The following PNPLA6 variants were observed in gnomAD, a reference collection of about 807,000 sequenced individuals.
PNPLA6 encodes the protein patatin-like phospholipase domain-containing protein 6.
PNPLA6 carries 105 observed loss-of-function variants against 153.7 expected under a neutral mutation model. The observed-to-expected ratio is 0.68, with a 90% CI of 0.58 to 0.80. PNPLA6 has a LOEUF of 0.80. PNPLA6 is among the 30% of genes least tolerant of loss of function. The pLI, the probability that PNPLA6 is intolerant of heterozygous loss-of-function variation, is 0.00. For synonymous variants in PNPLA6, 825 were observed against 822.2 expected (o/e 1.00, Z -0.06); for missense variants, 1,423 against 1,919.3 (o/e 0.74, Z 4.83).
chr19:7,555,599 C>T lies in PNPLA6; in HGVS notation c.2937-8C>T. 6.2e-7 allele frequency: 1 copy of T among 1,610,916 alleles called. No individual in the cohort carries two copies. The highest frequency in any genetic ancestry group is 8.5e-7 in the Non-Finnish European group (1 of 1,179,106). On this transcript the variant is annotated splice_polypyrimidine_tract_variant and splice_region_variant and intron_variant, in intron 23 of 31. Coordinates refer to ENST00000600737, the MANE Select transcript of PNPLA6 (RefSeq NM_001166114.2). The surrounding 1 kb of genome is among the most constrained non-coding windows in gnomAD (Gnocchi z 6.3). ...CTAGCGGGTCACTGGGGCCCATTTTCCCGGCAGGGGCTGCTCGCACATCGG... is the reference window on the plus strand; with the variant it reads ...CTAGCGGGTCACTGGGGCCCATTTTTCCGGCAGGGGCTGCTCGCACATCGG...
Position 7,551,420 on chromosome 19 carries a change from T to C in PNPLA6, c.2243T>C (p.Leu748Pro), listed in dbSNP as rs1367681979. 6.2e-7 allele frequency: 1 copy of C among 1,613,816 alleles called. No homozygotes were observed. The highest frequency in any genetic ancestry group is 8.5e-7 in the Non-Finnish European group (1 of 1,179,966). The stretch of plus-strand genomic sequence containing the variant: ...AAAATTCTAGGGAATTTGCAGCAGC[T>C]GCAAGGACCCTTCCCAGGTGAGAGC... The part of the protein sequence containing the change: ...SQKILGNLQQ[L>P]QGPFPGSGLG... The change falls in exon 18 of 32, where the codon CTG becomes CCG. Residue 748 changes from leucine (L) to proline (P), a missense_variant. This residue lies in a region of PNPLA6 where 23 missense variants were observed against 21.2 expected (regional missense o/e 1.08). Coordinates refer to ENST00000600737, the MANE Select transcript of PNPLA6 (RefSeq NM_001166114.2).
At position 7,542,565 on chromosome 19, in the gene PNPLA6, G is replaced by A. The variant is rs768899819; in HGVS notation, c.1257G>A (p.Leu419=). The change falls in exon 11 of 32, where the codon TTG becomes TTA. Residue 419 remains leucine (L), a synonymous_variant. Transcript: ENST00000600737. The part of the protein sequence containing the change: ...CVSMPGDISG[L]QGGPRSDFDM... ...TGCCCCCCTGCCTGCCTGCAGGCTT[G>A]CAGGGTGGCCCCCGCTCCGACTTCG... is the stretch of plus-strand genomic sequence containing the variant. 2.5e-6 allele frequency: 4 copies of A among 1,613,340 alleles called. No homozygotes were observed. In the South Asian group the frequency reaches 4.4e-5, roughly 18 times the overall value.
rs1202796338 is a variant in PNPLA6, at chr19:7,560,134, CTG to C, written c.3700-512_3700-511del. ...CCAGCCTGGGTGACAGAGTGAGACT[CTG>C]TCTCAAAAAATAATATTAATTTTAA... On this transcript the variant is annotated intron_variant, in intron 28 of 31. Transcript: ENST00000600737. Among the ~76,000 whole-genome samples the C allele has an allele frequency of 2.0e-5, 3 of 152,014 alleles. No individual in the cohort carries two copies. In the East Asian group the frequency reaches 5.8e-4, roughly 29 times the overall value.
chr19:7,542,651 C>T lies in PNPLA6; in HGVS notation c.1343C>T (p.Ser448Phe). ...CTGCAGGAAGAGGCCTCCGGGGGGT[C>T]CCTGGCAGCCCCCGCTCGGGTAAGG... ...VSLQEEASGG[S>F]LAAPARTPTQ... Residue 448 changes from serine (S) to phenylalanine (F), a missense_variant, in exon 11 of 32, where the codon TCC becomes TTC. Coordinates refer to ENST00000600737, the MANE Select transcript of PNPLA6 (RefSeq NM_001166114.2). The T allele has an allele frequency of 6.2e-7, 1 of 1,613,072 alleles. No individual in the cohort carries two copies. The highest frequency in any genetic ancestry group is 2.2e-5 in the East Asian group (1 of 44,870).
chr19:7,545,567 G>T (rs1344947343), intron 13 of PNPLA6, among the ~76,000 whole-genome samples: 1 of 152,090 alleles, frequency 6.6e-6, no homozygotes, highest in Non-Finnish European at 1.5e-5. Flanking sequence ...AAAGAAACGT[G>T]TTTACCCAGC....
At chr19:7,536,350 C>T in intron 2 of PNPLA6, 77 bp downstream of exon 2, 4 of 1,410,648 alleles carry the variant, frequency 2.8e-6, no homozygotes, top group South Asian at 1.1e-5. Flanking sequence ...TCTTAGTGTC[C>T]GCCACCGCTC....
intron 13 of PNPLA6, among the ~76,000 whole-genome samples, chr19:7,546,471 A>C (rs1296836763): frequency 6.6e-6 from 1 of 152,164 alleles, no homozygotes; most frequent in Non-Finnish European, 1.5e-5. Context: ...TCTACAAAAA[A>C]CAAACAAAAA....
In PNPLA6 at chr19:7,560,692, C is replaced by G. The variant is rs1000008449; in HGVS notation, c.3744C>G (p.Ser1248Arg). 30 of 1,613,770 alleles carry G rather than the reference C, an allele frequency of 1.9e-5. No individual in the cohort carries two copies. The highest frequency in any genetic ancestry group is 2.5e-5 in the Non-Finnish European group (30 of 1,179,830). ...QYGKAVFGGW[S>R]RGNVIEKMLT... The stretch of plus-strand genomic sequence containing the variant: ...GGAAGGCGGTGTTTGGAGGCTGGAG[C>G]CGTGGCAACGTCATTGAGAAAATGC... The change falls in exon 29 of 32, where the codon AGC (serine) becomes AGG (arginine). Residue 1248 changes from serine to arginine, a missense_variant. This residue lies in a region of PNPLA6 where 643 missense variants were observed against 835.2 expected (regional missense o/e 0.77). Coordinates refer to ENST00000600737, the MANE Select transcript of PNPLA6 (RefSeq NM_001166114.2).
In PNPLA6 at chr19:7,535,739, A is replaced by G. The variant is rs2022826915; in HGVS notation, c.-50A>G. The stretch of plus-strand genomic sequence containing the variant: ...CATGCACTGCGGGCCGCCGGGCCTC[A>G]GGGAAGAGTCGCGCCCCCGGGGAGG... On this transcript the variant is annotated 5_prime_UTR_variant, in exon 1 of 32. Transcript: ENST00000600737. This position sits in a 1 kb window ranked among gnomAD's most constrained non-coding sequence, Gnocchi z 5.0. 3 of 1,519,328 alleles carry G rather than the reference A, an allele frequency of 2.0e-6. No homozygotes were observed. The highest frequency in any genetic ancestry group is 2.5e-5 in the East Asian group (1 of 40,506). 94.1% of individuals were successfully genotyped at this position (1,519,328 alleles called of 1,614,324 possible).
Position 7,555,436 on chromosome 19 carries a change from C to T in PNPLA6, c.2936+69C>T. 2.3e-6 allele frequency: 3 copies of T among 1,332,408 alleles called. No homozygotes were observed. Among genetic ancestry groups the T allele is most frequent in the South Asian group, 1.3e-5 (1 of 79,030 alleles). The allele number at this position is 1,332,408 out of a possible 1,614,324, so 82.5% of individuals were successfully genotyped here. A position where few individuals can be genotyped will look rare whatever the true frequency, so the allele number is the denominator to read the frequency against. On this transcript the variant is annotated intron_variant, in intron 23 of 31. Transcript: ENST00000600737. This position sits in a 1 kb window ranked among gnomAD's most constrained non-coding sequence, Gnocchi z 6.3. The stretch of plus-strand genomic sequence containing the variant: ...GAGGGTGGAGCTTCCTGGGAGAAAC[C>T]GTGGGGGCGGGGCCTGGGTGTTCGA...
chr19:7,549,729 C>T, intron 13 of PNPLA6, 178 bp from the exon 14 acceptor site: 1 of 655,982 alleles, frequency 1.5e-6, no homozygotes. Flanking sequence ...TCAAGTGATC[C>T]CCCCTGCCTG....
chr19:7,550,685 AG>A (rs1257148567), intron 16 of PNPLA6, 45 bp downstream of exon 16: 3 of 1,605,550 alleles, frequency 1.9e-6, no homozygotes, highest in Non-Finnish European at 2.5e-6. Context: ...TTTCCAGGCC[AG>A]TCCCTCGACA....
chr19:7,542,687 T>A lies in PNPLA6; in HGVS notation c.1362+17T>A, dbSNP rs767629226. 3.7e-6 allele frequency: 6 copies of A among 1,612,362 alleles called. No homozygotes were observed. The African/African-American group carries it at 8.0e-5, about 22-fold the overall frequency. ...CCCGCTCGGGTAAGGCTTGGGACCCTGCCCGGTGGTGGAGCCCGCAGGGGA... is the reference window on the plus strand; with the variant it reads ...CCCGCTCGGGTAAGGCTTGGGACCCAGCCCGGTGGTGGAGCCCGCAGGGGA... On this transcript the variant is annotated intron_variant, in intron 11 of 31. Coordinates refer to ENST00000600737, the MANE Select transcript of PNPLA6 (RefSeq NM_001166114.2).
Position 7,549,935 on chromosome 19 carries a change from G to A in PNPLA6, c.1637G>A (p.Gly546Asp). The stretch of plus-strand genomic sequence containing the variant: ...GTGAGCCTGCACTTCGTGCTCTGGG[G>A]CTGCCTGCACGTGTACCAGCGCATG... ...QDVSLHFVLW[G>D]CLHVYQRMID... Residue 546 changes from glycine to aspartate, a missense_variant, in exon 14 of 32, where the codon GGC becomes GAC. By Grantham distance (94) the Gly-to-Asp change is moderately conservative. This residue lies in a region of PNPLA6 where 119 missense variants were observed against 163.7 expected (regional missense o/e 0.73). Transcript: ENST00000600737. 2 of 1,613,674 alleles carry A rather than the reference G, an allele frequency of 1.2e-6. No homozygotes were observed. The highest frequency in any genetic ancestry group is 1.6e-4 in the Middle Eastern group (1 of 6,062).
chr19:7,555,087 G>GCT lies in PNPLA6; in HGVS notation c.2817+13_2817+14insTC. The GCT allele has an allele frequency of 6.3e-7, 1 of 1,591,736 alleles. No homozygotes were observed. Among genetic ancestry groups the GCT allele is most frequent in the South Asian group, 1.1e-5 (1 of 89,784 alleles). ...GCCCTGCCAAGCTGGTGAGGAGCGG[G>GCT]CCGGCCCCCACCTTCTAGGGGCGTG... On this transcript the variant is annotated intron_variant, in intron 22 of 31. Coordinates refer to ENST00000600737, the MANE Select transcript of PNPLA6 (RefSeq NM_001166114.2). This position sits in a 1 kb window ranked among gnomAD's most constrained non-coding sequence, Gnocchi z 6.3.
At chr19:7,554,089 G>T in intron 19 of PNPLA6, 74 bp downstream of exon 19, 1 of 1,594,266 alleles carries the variant, frequency 6.3e-7, no homozygotes. Context: ...GTTAGGGTAG[G>T]TCATTTGGGG....
chr19:7,556,017 G>T (rs2023863364), intron 24 of PNPLA6, among the ~76,000 whole-genome samples: 1 of 148,818 alleles, frequency 6.7e-6, no homozygotes, highest in Non-Finnish European at 1.5e-5. Flanking sequence ...CCACCTTGTG[G>T]ATGGCCTTGG....
Position 7,560,727 on chromosome 19 carries a change from G to C in PNPLA6, c.3779G>C (p.Arg1260Pro). Reference protein sequence around the residue: ...GNVIEKMLTDRRSTDLNESRR... With the variant: ...GNVIEKMLTDPRSTDLNESRR... ...GTCATTGAGAAAATGCTCACAGACC[G>C]GCGGTCTACAGACCTTAATGAGAGC... The change falls in exon 29 of 32, where the codon CGG (arginine) becomes CCG (proline). Residue 1260 changes from arginine to proline, a missense_variant. This residue lies in a region of PNPLA6 where 643 missense variants were observed against 835.2 expected (regional missense o/e 0.77). Coordinates refer to ENST00000600737, the MANE Select transcript of PNPLA6 (RefSeq NM_001166114.2). 1 of 1,613,608 alleles carries C rather than the reference G, an allele frequency of 6.2e-7. No homozygotes were observed. Among genetic ancestry groups the C allele is most frequent in the Non-Finnish European group, 8.5e-7 (1 of 1,179,580 alleles).
chr19:7,539,882 C>T (rs1288675209), intron 3 of PNPLA6, 36 bp from the exon 4 acceptor site: 8 of 1,371,824 alleles, frequency 5.8e-6, no homozygotes, highest in Non-Finnish European at 7.0e-6. Context: ...CTTCTCCGTG[C>T]CCCCCTCACC....
Sources: gnomAD v4.1 joint callset for allele counts (sites outside exome capture counted in the v4.1 genomes callset) on GRCh38, gnomAD v4.1.1 for gene constraint, gnomAD v4.1.1 regional missense constraint, Gnocchi (gnomAD v3.1) non-coding constraint, MANE v1.5 for transcripts, NCBI Gene and HGNC (gene_info 2026-07-23, HGNC 2026-07-21) for gene names.